Variants in METAP2 observed in about 807,000 individuals in gnomAD.
METAP2 encodes the protein methionine aminopeptidase 2.
METAP2 carries 25 observed loss-of-function variants against 59.4 expected under a neutral mutation model. That is an observed-to-expected ratio of 0.42 (90% CI 0.31 to 0.59). The LOEUF (loss-of-function observed/expected upper bound fraction) is 0.59. METAP2 is among the 20% of genes least tolerant of loss of function. METAP2 has a pLI of 0.16. For synonymous variants in METAP2, 214 were observed against 194.1 expected, an observed-to-expected ratio of 1.10 and a Z score of -0.85; for missense variants, 366 against 581.2, an observed-to-expected ratio of 0.63 and a Z score of 3.81.
intron 8 of METAP2, among the ~76,000 whole-genome samples, chr12:95,506,588 C>G (rs542010541): frequency 6.6e-6 from 1 of 151,876 alleles, no homozygotes; most frequent in African/African-American, 2.4e-5. Context: ...CATGAGTCAC[C>G]GTGCCCAGCC....
At chr12:95,512,418 A>G (rs2076409878) in intron 9 of METAP2, among the ~76,000 whole-genome samples, 1 of 152,170 alleles carries the variant, frequency 6.6e-6, no homozygotes, top group African/African-American at 2.4e-5. Flanking sequence ...AAGAGATGGT[A>G]ATTGTAGGCC....
intron 4 of METAP2, among the ~76,000 whole-genome samples, chr12:95,490,566 A>ATTTTTT (rs67031623): frequency 4.9e-5 from 5 of 102,806 alleles, no homozygotes; most frequent in Non-Finnish European, 9.6e-5. Flanking sequence ...TGAAGCCTGT[A>ATTTTTT]TTTTTTTTTT....
At chr12:95,507,856 A>G (rs750061295) in intron 8 of METAP2, among the ~76,000 whole-genome samples, 43 of 149,244 alleles carry the variant, frequency 2.9e-4, no homozygotes, top group Middle Eastern at 3.5e-3. Flanking sequence ...TCGGCTCATC[A>G]CAACCTCCGC....
intron 4 of METAP2, among the ~76,000 whole-genome samples, chr12:95,490,748 A>C (rs1464053614): frequency 2.6e-5 from 4 of 152,036 alleles, no homozygotes; most frequent in Non-Finnish European, 4.4e-5. Context: ...TTCTCATTGC[A>C]TATGGTTAGA....
chr12:95,504,774 G>A (rs534776921), intron 8 of METAP2, among the ~76,000 whole-genome samples: 4 of 152,238 alleles, frequency 2.6e-5, no homozygotes, highest in Non-Finnish European at 5.9e-5. Context: ...AAAGTGCAGG[G>A]ATAACAGGTG....
chr12:95,475,602 G>A (rs906283709), intron 1 of METAP2, among the ~76,000 whole-genome samples: 3 of 152,066 alleles, frequency 2.0e-5, no homozygotes, highest in African/African-American at 7.2e-5. Context: ...ATATTTGAGC[G>A]TTTTAGTTTT....
chr12:95,479,970 AACT>A (rs1454953672), intron 2 of METAP2, among the ~76,000 whole-genome samples: 12 of 152,200 alleles, frequency 7.9e-5, no homozygotes, highest in Admixed American at 6.5e-4. Flanking sequence ...GCAATTGTGT[AACT>A]ACTACCACGA....
intron 4 of METAP2, among the ~76,000 whole-genome samples, chr12:95,492,847 T>G (rs966212843): frequency 6.6e-6 from 1 of 152,188 alleles, no homozygotes; most frequent in Non-Finnish European, 1.5e-5. Flanking sequence ...TTGAGTGAAC[T>G]TTTTCTTCAA....
chr12:95,494,383 G>A lies in METAP2; in HGVS notation c.590+166G>A, dbSNP rs148125546. On this transcript the variant is annotated intron_variant, in intron 5 of 10. Coordinates refer to ENST00000323666, the MANE Select transcript of METAP2 (RefSeq NM_006838.4). ...AGTGTCACTATGAGAAAACCATGAAGAGGAGTACACATTGGCACCTCAGCC... is the reference window on the plus strand; with the variant it reads ...AGTGTCACTATGAGAAAACCATGAAAAGGAGTACACATTGGCACCTCAGCC... 6.1e-3 allele frequency among the ~76,000 whole-genome samples: 929 copies of A among 152,282 alleles called. 13 individuals are homozygous for A. The highest frequency in any genetic ancestry group is 0.021 in the African/African-American group (859 of 41,548).
At chr12:95,509,782 A>C (rs1269288400) in intron 8 of METAP2, among the ~76,000 whole-genome samples, 3 of 151,800 alleles carry the variant, frequency 2.0e-5, no homozygotes, top group Non-Finnish European at 4.4e-5. Context: ...CTCTAGAAGA[A>C]AGGTAGCTCA....
chr12:95,480,433 T>C (rs1159960884), intron 2 of METAP2, among the ~76,000 whole-genome samples: 2 of 152,218 alleles, frequency 1.3e-5, no homozygotes, highest in African/African-American at 4.8e-5. Context: ...TTTAAACTCC[T>C]AAGAAGCTGT....
intron 10 of METAP2, among the ~76,000 whole-genome samples, chr12:95,513,129 ACAC>A (rs964360202): frequency 8.7e-5 from 13 of 150,128 alleles, no homozygotes; most frequent in African/African-American, 2.0e-4. Flanking sequence ...ACACACACAC[ACAC>A]AAGTGCTCTC....
chr12:95,513,756 T>C lies in METAP2; in HGVS notation c.1289T>C (p.Met430Thr). ...LDRLGESKYLMALKNLCDLGI... is the reference protein window; with the variant it reads ...LDRLGESKYLTALKNLCDLGI... Reference sequence around the variant, plus strand: ...CGCTTGGGAGAAAGTAAATACTTGATGGCTCTGAAGAATCTGTGTGACTTG... The same window carrying C: ...CGCTTGGGAGAAAGTAAATACTTGACGGCTCTGAAGAATCTGTGTGACTTG... The change falls in exon 11 of 11, where the codon ATG (methionine) becomes ACG (threonine). Residue 430 changes from methionine to threonine, a missense_variant. Transcript: ENST00000323666. 1 of 1,614,262 alleles carries C rather than the reference T, an allele frequency of 6.2e-7. No homozygotes were observed. The highest frequency in any genetic ancestry group is 8.5e-7 in the Non-Finnish European group (1 of 1,180,042).
At chr12:95,475,924 A>G in intron 1 of METAP2, 147 bp from the exon 2 acceptor site, 1 of 555,202 alleles carries the variant, frequency 1.8e-6, no homozygotes, top group South Asian at 2.3e-5. Flanking sequence ...TTTTTCTGTC[A>G]TTAAACGAAT....
intron 2 of METAP2, among the ~76,000 whole-genome samples, chr12:95,478,370 C>T (rs968975153): frequency 2.6e-5 from 4 of 152,206 alleles, no homozygotes; most frequent in African/African-American, 9.7e-5. Context: ...TTAGCTCTCG[C>T]CTGTAATCCC....
chr12:95,478,369 G>A (rs991803645), intron 2 of METAP2, among the ~76,000 whole-genome samples: 3 of 152,134 alleles, frequency 2.0e-5, no homozygotes, highest in Non-Finnish European at 2.9e-5. Flanking sequence ...GTTAGCTCTC[G>A]CCTGTAATCC....
intron 8 of METAP2, among the ~76,000 whole-genome samples, chr12:95,508,061 G>A (rs1253363883): frequency 6.6e-6 from 1 of 151,580 alleles, no homozygotes; most frequent in Non-Finnish European, 1.5e-5. Flanking sequence ...GATTACAGGC[G>A]TGAGGCACCG....
intron 7 of METAP2, among the ~76,000 whole-genome samples, chr12:95,501,234 C>G (rs2076313100): frequency 6.6e-6 from 1 of 152,002 alleles, no homozygotes; most frequent in African/African-American, 2.4e-5. Flanking sequence ...TGCTGTCTTG[C>G]CCAGGCTGGT....
At chr12:95,497,348 C>T (rs2076283022) in intron 7 of METAP2, among the ~76,000 whole-genome samples, 1 of 152,138 alleles carries the variant, frequency 6.6e-6, no homozygotes. Context: ...TGTTTTGTGA[C>T]TGGTTTATTT....
Sources: allele counts gnomAD v4.1 joint callset (sites outside exome capture counted in the v4.1 genomes callset), GRCh38; gene constraint gnomAD v4.1.1; transcripts MANE v1.5; gene names NCBI Gene and HGNC (gene_info 2026-07-23, HGNC 2026-07-21).